The following ABCB4 variants were observed in gnomAD, a reference collection of about 807,000 sequenced individuals.
ABCB4 encodes the protein ATP binding cassette subfamily B member 4, also known as phosphatidylcholine translocator ABCB4.
A neutral mutation model predicts 145.7 loss-of-function variants in ABCB4; 76 were observed. The observed-to-expected ratio is 0.52, with a 90% CI of 0.43 to 0.63. The LOEUF (loss-of-function observed/expected upper bound fraction) is 0.63. Among genes scored for constraint, ABCB4 ranks in the 30% least tolerant of loss-of-function variants. The pLI, the probability that ABCB4 is intolerant of heterozygous loss-of-function variation, is 0.00. For synonymous variants in ABCB4, 517 were observed against 566.8 expected (o/e 0.91, Z 1.25); for missense variants, 1,234 against 1,553.1 (o/e 0.79, Z 3.45).
intron 8 of ABCB4, among the ~76,000 whole-genome samples, chr7:87,448,281 CA>C (rs369892937): frequency 0.039 from 5,817 of 148,568 alleles, 149 homozygotes; most frequent in South Asian, 0.11. Flanking sequence ...TTCTTTGTGA[CA>C]AAAAAAAACA....
intron 25 of ABCB4, among the ~76,000 whole-genome samples, chr7:87,406,911 C>T (rs45543841): frequency 0.11 from 16,411 of 152,140 alleles, 1,072 homozygotes; most frequent in African/African-American, 0.18. Flanking sequence ...TGATCAGAAG[C>T]AGGGCCCCAA....
At chr7:87,411,498 A>G (rs1394215308) in intron 23 of ABCB4, among the ~76,000 whole-genome samples, 4 of 152,058 alleles carry the variant, frequency 2.6e-5, no homozygotes, top group African/African-American at 9.7e-5. Context: ...AAGTATTCCC[A>G]TCTTGTTTTC....
chr7:87,425,243 C>T (rs1450604693), intron 16 of ABCB4, among the ~76,000 whole-genome samples: 1 of 152,122 alleles, frequency 6.6e-6, no homozygotes, highest in African/African-American at 2.4e-5. Flanking sequence ...TTTCCTGCCT[C>T]CCCCTCTTCT....
At chr7:87,419,364 A>G (rs1431336285) in intron 19 of ABCB4, among the ~76,000 whole-genome samples, 4 of 152,192 alleles carry the variant, frequency 2.6e-5, no homozygotes, top group African/African-American at 9.6e-5. Flanking sequence ...CATTTTCTAT[A>G]AAAATAGATA....
chr7:87,398,876 A>G (rs1332357040), downstream of ABCB4: 4 of 499,978 alleles, frequency 8.0e-6, no homozygotes, highest in South Asian at 6.7e-5. Context: ...AAATTATGAC[A>G]TAGTGAATAT....
the ABCB4 span, among the ~76,000 whole-genome samples, chr7:87,393,661 G>A: frequency 6.6e-6 from 1 of 152,114 alleles, no homozygotes; most frequent in Non-Finnish European, 1.5e-5. Flanking sequence ...CTCTTTACAG[G>A]GGCTTTTCAA....
intron 19 of ABCB4, 51 bp from the exon 20 acceptor site, chr7:87,418,671 G>A (rs1333643665): frequency 6.4e-7 from 1 of 1,571,052 alleles, no homozygotes; most frequent in South Asian, 1.1e-5. Context: ...AACAAGCAAA[G>A]AAAACCAGAC....
At chr7:87,380,782 A>AACTGAT in the ABCB4 span, among the ~76,000 whole-genome samples, 54 of 152,230 alleles carry the variant, frequency 3.5e-4, no homozygotes, top group Admixed American at 2.0e-4. Flanking sequence ...AATAGTTGGA[A>AACTGAT]ACTGATGCTG....
chr7:87,410,640 G>A (rs1226068177), intron 23 of ABCB4, among the ~76,000 whole-genome samples: 1 of 152,162 alleles, frequency 6.6e-6, no homozygotes, highest in Non-Finnish European at 1.5e-5. Flanking sequence ...ATCCCCAGCT[G>A]CTAGTTCCAT....
intron 3 of ABCB4, among the ~76,000 whole-genome samples, chr7:87,471,049 T>TA (rs777069828): frequency 6.6e-6 from 1 of 152,124 alleles, no homozygotes; most frequent in Non-Finnish European, 1.5e-5. Context: ...TAAAAAATGA[T>TA]GAGTTCATGT....
chr7:87,398,684 T>G, downstream of ABCB4: 4 of 1,592,116 alleles, frequency 2.5e-6, no homozygotes, highest in Non-Finnish European at 3.4e-6. Context: ...AACATATCAT[T>G]AAACTGAGTG....
chr7:87,423,023 C>T (rs1402944318), intron 17 of ABCB4, among the ~76,000 whole-genome samples: 1 of 152,144 alleles, frequency 6.6e-6, no homozygotes, highest in Non-Finnish European at 1.5e-5. Flanking sequence ...TGTTTTGAAA[C>T]TTTAAAAGAT....
the ABCB4 span, chr7:87,369,424 G>C: frequency 6.2e-7 from 1 of 1,613,126 alleles, no homozygotes; most frequent in Non-Finnish European, 8.5e-7. Flanking sequence ...TGTCGAGGCC[G>C]AGCTTTTGTC....
At chr7:87,410,724 C>T (rs980494859) in intron 23 of ABCB4, among the ~76,000 whole-genome samples, 3 of 152,136 alleles carry the variant, frequency 2.0e-5, no homozygotes, top group African/African-American at 7.2e-5. Context: ...CTGGGGATTC[C>T]AACTATCATG....
chr7:87,395,811 A>G, the ABCB4 span, among the ~76,000 whole-genome samples: 5 of 152,182 alleles, frequency 3.3e-5, no homozygotes, highest in African/African-American at 1.2e-4. Context: ...ACATGTCTCT[A>G]ATTCAGGCTC....
At chr7:87,379,913 C>T in the ABCB4 span, among the ~76,000 whole-genome samples, 10 of 152,044 alleles carry the variant, frequency 6.6e-5, no homozygotes, top group Non-Finnish European at 1.5e-5. Flanking sequence ...CAGTTCAGCA[C>T]CAGCTTGGGC....
Position 87,402,074 on chromosome 7 carries a change from T to G in ABCB4, c.*22A>C. On this transcript the variant is annotated 3_prime_UTR_variant, in exon 28 of 28. Coordinates refer to ENST00000649586, the MANE Select transcript of ABCB4 (RefSeq NM_000443.4). Reference sequence around the variant, plus strand: ...TGGTAGAATAATTTGAATTTATTTTTAAAATATACTGTAGCAAAAGTTCAT... The same window carrying G: ...TGGTAGAATAATTTGAATTTATTTTGAAAATATACTGTAGCAAAAGTTCAT... The G allele has an allele frequency of 6.2e-7, 1 of 1,613,260 alleles. No homozygotes were observed. Among genetic ancestry groups the G allele is most frequent in the Non-Finnish European group, 8.5e-7 (1 of 1,179,336 alleles).
chr7:87,443,355 C>G lies in ABCB4; in HGVS notation c.1320G>C (p.Gln440His). The change falls in exon 12 of 28, where the codon CAG becomes CAC. Residue 440 changes from glutamine (Q) to histidine (H), a missense_variant. Gln to His is a conservative substitution (Grantham distance 24). Coordinates refer to ENST00000649586, the MANE Select transcript of ABCB4 (RefSeq NM_000443.4). ...SSGCGKSTTV[Q>H]LIQRLYDPDE... ...CAGGGTCATAGAGCCTCTGTATCAG[C>G]TGGACCGTTGTGCTCTTCCCACAGC... is the stretch of plus-strand genomic sequence containing the variant. 3 of 1,614,120 alleles carry G rather than the reference C, an allele frequency of 1.9e-6. No homozygotes were observed. The highest frequency in any genetic ancestry group is 2.5e-6 in the Non-Finnish European group (3 of 1,180,006).
At chr7:87,393,182 A>G in the ABCB4 span, 27 of 1,142,548 alleles carry the variant, frequency 2.4e-5, no homozygotes, top group Non-Finnish European at 3.0e-5. Context: ...CACTTGCTAC[A>G]TAAGTAACTA....
Sources: allele counts gnomAD v4.1 joint callset (sites outside exome capture counted in the v4.1 genomes callset), GRCh38; gene constraint gnomAD v4.1.1; transcripts MANE v1.5; gene names NCBI Gene and HGNC (gene_info 2026-07-23, HGNC 2026-07-21).